GMDS: variants seen among roughly 807,000 people sequenced by gnomAD.
GMDS encodes GDP-mannose 4,6-dehydratase.
Under a neutral mutation model 49.9 loss-of-function variants are expected in GMDS, and 20 were observed. The ratio of observed to expected loss-of-function variants is 0.40; its 90% CI spans 0.28 to 0.58. GMDS has a LOEUF of 0.58. Among genes scored for constraint, GMDS ranks in the 20% least tolerant of loss-of-function variants. GMDS has a pLI of 0.42. For missense variants in GMDS, 362 were observed against 481.4 expected (o/e 0.75, Z 2.32); for synonymous variants, 177 against 178.6 (o/e 0.99, Z 0.07).
chr6:1,986,697 C>G (rs1426659640), intron 4 of GMDS, among the ~76,000 whole-genome samples: 2 of 152,122 alleles, frequency 1.3e-5, no homozygotes, highest in African/African-American at 4.8e-5. Context: ...AAACCTCTGT[C>G]ACAAAGCTTT....
chr6:1,914,125 TTGTTTG>T (rs1247229280), intron 7 of GMDS, among the ~76,000 whole-genome samples: 2 of 140,126 alleles, frequency 1.4e-5, no homozygotes, highest in African/African-American at 5.5e-5. Flanking sequence ...AAAGCGTTTT[TTGTTTG>T]TTTTTTTTTT....
At chr6:2,071,537 C>T (rs940255286) in intron 4 of GMDS, among the ~76,000 whole-genome samples, 2 of 152,006 alleles carry the variant, frequency 1.3e-5, no homozygotes, top group Admixed American at 1.3e-4. Context: ...TCAATAAATG[C>T]TACAGGTGTA....
At chr6:1,636,440 C>G (rs116367740) in intron 9 of GMDS, among the ~76,000 whole-genome samples, 4,046 of 152,300 alleles carry the variant, frequency 0.027, 59 homozygotes, top group Non-Finnish European at 0.036. Context: ...AAAAATCAAC[C>G]CTTGGACTCA....
chr6:1,777,462 G>T (rs1196454177), intron 7 of GMDS, among the ~76,000 whole-genome samples: 1 of 152,098 alleles, frequency 6.6e-6, no homozygotes, highest in Non-Finnish European at 1.5e-5. Context: ...ACTGCTGAAG[G>T]CTGAAGTCAC....
chr6:2,177,861 A>T (rs1462709243), intron 1 of GMDS, among the ~76,000 whole-genome samples: 1 of 152,244 alleles, frequency 6.6e-6, no homozygotes, highest in African/African-American at 2.4e-5. Flanking sequence ...CATTATTCAC[A>T]ATAGTAAAGA....
chr6:1,670,691 T>C (rs189274020), intron 9 of GMDS, among the ~76,000 whole-genome samples: 6 of 152,338 alleles, frequency 3.9e-5, no homozygotes. Flanking sequence ...CCTAAGGTAA[T>C]AGTTCAGTAG....
rs546071035 is a variant in GMDS at position 2,189,012 on chromosome 6, G to A, written c.102+56309C>T. On this transcript the variant is annotated intron_variant, in intron 1 of 10. Transcript: ENST00000380815. ...ACACTTGGCTGAAGAGCTGAACTCAGTATCAGAAGGCTGCTCTAAGAAAAC... is the reference window on the plus strand; with the variant it reads ...ACACTTGGCTGAAGAGCTGAACTCAATATCAGAAGGCTGCTCTAAGAAAAC... Among the ~76,000 whole-genome samples, 5 of 152,326 alleles carry A rather than the reference G, an allele frequency of 3.3e-5. No individual in the cohort carries two copies. In the East Asian group the frequency reaches 7.7e-4, roughly 24 times the overall value.
intron 7 of GMDS, among the ~76,000 whole-genome samples, chr6:1,904,136 G>A (rs1463651264): frequency 1.3e-5 from 2 of 152,266 alleles, no homozygotes; most frequent in East Asian, 1.9e-4. Flanking sequence ...CGGGACAAGC[G>A]GTTCAGAAGA....
chr6:2,004,330 C>T (rs953345481), intron 4 of GMDS, among the ~76,000 whole-genome samples: 7 of 152,050 alleles, frequency 4.6e-5, no homozygotes, highest in African/African-American at 1.7e-4. Context: ...CCTATGGAGG[C>T]CATCAAGACG....
At chr6:1,956,152 C>T (rs77776960) in intron 6 of GMDS, among the ~76,000 whole-genome samples, 3 of 152,302 alleles carry the variant, frequency 2.0e-5, no homozygotes, top group African/African-American at 7.2e-5. Flanking sequence ...CCACAATCAA[C>T]CCAAGTGAAA....
At chr6:1,838,484 T>C (rs937589917) in intron 7 of GMDS, among the ~76,000 whole-genome samples, 6 of 152,256 alleles carry the variant, frequency 3.9e-5, no homozygotes, top group African/African-American at 1.2e-4. Flanking sequence ...TGAGGTTTTC[T>C]ATAAAGGCTT....
At chr6:1,929,709 T>A (rs890581008) in intron 7 of GMDS, among the ~76,000 whole-genome samples, 2 of 152,158 alleles carry the variant, frequency 1.3e-5, no homozygotes, top group African/African-American at 4.8e-5. Flanking sequence ...AGTAGAATAA[T>A]GTAAGTCCAA....
intron 9 of GMDS, among the ~76,000 whole-genome samples, chr6:1,700,509 A>G (rs1389787621): frequency 6.6e-6 from 1 of 152,196 alleles, no homozygotes; most frequent in East Asian, 1.9e-4. Flanking sequence ...CCTGGGAGAA[A>G]AGCAGCTCTA....
rs112743695 is a variant in GMDS at position 1,782,701 on chromosome 6, G to A, written c.772-40115C>T. 6.3e-3 allele frequency among the ~76,000 whole-genome samples: 967 copies of A among 152,328 alleles called. 7 individuals are homozygous for A. The highest frequency in any genetic ancestry group is 0.01 in the Non-Finnish European group (688 of 68,038). ...GAAGTTGTTAGGAAGGAATAAGTAC[G>A]GGTGAAATGAGAACATAGATCAAAA... On this transcript the variant is annotated intron_variant, in intron 7 of 10. Coordinates refer to ENST00000380815, the MANE Select transcript of GMDS (RefSeq NM_001500.4).
At chr6:2,184,352 C>T (rs972320248) in intron 1 of GMDS, among the ~76,000 whole-genome samples, 1 of 152,180 alleles carries the variant, frequency 6.6e-6, no homozygotes, top group African/African-American at 2.4e-5. Flanking sequence ...AACTCATGAC[C>T]AAGTCAATTA....
chr6:2,015,513 T>TTA (rs1767835453), intron 4 of GMDS, among the ~76,000 whole-genome samples: 2 of 152,212 alleles, frequency 1.3e-5, no homozygotes, highest in East Asian at 3.9e-4. Context: ...AAAGCAGTGC[T>TTA]TAGAGGAAAA....
At chr6:1,753,298 G>T (rs913737056) in intron 7 of GMDS, among the ~76,000 whole-genome samples, 12 of 152,036 alleles carry the variant, frequency 7.9e-5, no homozygotes, top group African/African-American at 2.2e-4. Flanking sequence ...ACAAAGAAGG[G>T]CATTACATAA....
At chr6:2,232,815 C>T (rs964409089) in intron 1 of GMDS, among the ~76,000 whole-genome samples, 3 of 152,154 alleles carry the variant, frequency 2.0e-5, no homozygotes, top group Admixed American at 6.5e-5. Context: ...CAGATGCCCG[C>T]GACCTTCTCC....
intron 7 of GMDS, among the ~76,000 whole-genome samples, chr6:1,835,436 A>G (rs1401527064): frequency 6.6e-6 from 1 of 152,220 alleles, no homozygotes; most frequent in African/African-American, 2.4e-5. Context: ...GAGTTGTTAT[A>G]ACAAATTTGG....
Sources: allele counts gnomAD v4.1 joint callset (sites outside exome capture counted in the v4.1 genomes callset), GRCh38; gene constraint gnomAD v4.1.1; transcripts MANE v1.5; gene names NCBI Gene and HGNC (gene_info 2026-07-23, HGNC 2026-07-21).